The following MMEL1 variants were observed in gnomAD, a reference collection of about 807,000 sequenced individuals.
MMEL1 encodes the protein membrane metalloendopeptidase like 1.
In MMEL1, 98 loss-of-function variants were observed where a neutral mutation model predicts 117.1. The observed-to-expected ratio is 0.84, with a 90% CI of 0.71 to 0.99. The LOEUF is 0.99. Ranked by LOEUF, MMEL1 falls within the 50% of genes least tolerant of loss-of-function variation. The pLI, the probability that MMEL1 is intolerant of heterozygous loss-of-function variation, is 0.00. For missense variants in MMEL1, 1,014 were observed against 1,049.1 expected, an observed-to-expected ratio of 0.97 and a Z score of 0.46; for synonymous variants, 390 against 415.1, an observed-to-expected ratio of 0.94 and a Z score of 0.74.
chr1:2,628,666 G>A (rs1338641240), intron 2 of MMEL1, among the ~76,000 whole-genome samples: 1 of 151,980 alleles, frequency 6.6e-6, no homozygotes, highest in East Asian at 1.9e-4. Context: ...GGAGATCAAG[G>A]GAGGGGCCGG....
At chr1:2,598,461 C>T (rs1644881530) in intron 12 of MMEL1, among the ~76,000 whole-genome samples, 161 bp from the exon 13 acceptor site, 1 of 152,174 alleles carries the variant, frequency 6.6e-6, no homozygotes, top group South Asian at 2.1e-4. Context: ...GCCCATCTGC[C>T]CCGGGTGCTT....
intron 2 of MMEL1, among the ~76,000 whole-genome samples, chr1:2,626,671 C>T (rs1316099350): frequency 1.3e-5 from 2 of 152,232 alleles, no homozygotes; most frequent in Non-Finnish European, 2.9e-5. Context: ...GGACATGAGA[C>T]TGTATTTCTC....
rs1638656831 is a variant in MMEL1 at position 2,632,894 on chromosome 1, C to T, written c.-66G>A. On this transcript the variant is annotated 5_prime_UTR_variant, in exon 1 of 24. Coordinates refer to ENST00000378412, the MANE Select transcript of MMEL1 (RefSeq NM_033467.4). ...TGCTCACTCAGGAGTGGCTGCCGCC[C>T]ACAGTCAGGCCCCTGGAGACTGGGT... The T allele has an allele frequency of 1.0e-6, 1 of 985,596 alleles. No homozygotes were observed. Among genetic ancestry groups the T allele is most frequent in the Non-Finnish European group, 1.2e-6 (1 of 830,016 alleles). The allele number at this position is 985,596 out of a possible 1,614,324, so 61.1% of individuals were successfully genotyped here.
intron 6 of MMEL1, among the ~76,000 whole-genome samples, chr1:2,608,628 GCA>G (rs907279343): frequency 1.3e-5 from 2 of 150,994 alleles, no homozygotes; most frequent in Admixed American, 6.6e-5. Context: ...ACACATACAT[GCA>G]CACACAACAT....
intron 5 of MMEL1, 120 bp from the exon 6 acceptor site, chr1:2,609,539 T>A: frequency 6.6e-7 from 1 of 1,512,452 alleles, no homozygotes; most frequent in South Asian, 1.2e-5. Context: ...GGGTCTTTAT[T>A]CCCTCTCCTC....
intron 11 of MMEL1, among the ~76,000 whole-genome samples, chr1:2,603,250 C>G (rs1644963447): frequency 1.3e-5 from 2 of 152,212 alleles, no homozygotes. Flanking sequence ...TGCCCTCCCC[C>G]CACTGACTTG....
In MMEL1 at chr1:2,595,074, C is replaced by T. The variant is rs1644811787; in HGVS notation, c.1585-181G>A. Among the ~76,000 whole-genome samples, 1 of 152,090 alleles carries T rather than the reference C, an allele frequency of 6.6e-6. No homozygotes were observed. Among genetic ancestry groups the T allele is most frequent in the African/African-American group, 2.4e-5 (1 of 41,410 alleles). On this transcript the variant is annotated intron_variant, in intron 16 of 23. Transcript: ENST00000378412. The surrounding 1 kb of genome is among the most constrained non-coding windows in gnomAD (Gnocchi z 4.8). ...CTGTGGGCATTTACATGACTCTGAG[C>T]AAGTCCCTCGTCCCTCCAGGCCTCA...
rs1645150383 is a variant in MMEL1 at position 2,612,798 on chromosome 1, C to T, written c.155-594G>A. Among the ~76,000 whole-genome samples the T allele has an allele frequency of 6.6e-6, 1 of 152,122 alleles. No individual in the cohort carries two copies. The highest frequency in any genetic ancestry group is 2.1e-4 in the South Asian group (1 of 4,828). On this transcript the variant is annotated intron_variant, in intron 2 of 23. Coordinates refer to ENST00000378412, the MANE Select transcript of MMEL1 (RefSeq NM_033467.4). This position sits in a 1 kb window ranked among gnomAD's most constrained non-coding sequence, Gnocchi z 5.4. ...GGGCTCCTGGGATGGCTGTCAACTG[C>T]CTGGAGAGATGTATGGGAGAGGAGG...
At position 2,594,460 on chromosome 1, in the gene MMEL1, G is replaced by T. The variant is rs374051777; in HGVS notation, c.1689-17C>A. The T allele has an allele frequency of 6.4e-6, 10 of 1,551,388 alleles. No individual in the cohort carries two copies. In the Admixed American group the frequency reaches 7.8e-5, roughly 12 times the overall value. On this transcript the variant is annotated splice_polypyrimidine_tract_variant and intron_variant, in intron 17 of 23. Transcript: ENST00000378412. ...ATGATCCAGCTGTGATAGACAAGCC[G>T]GTCTCTGGGAGCCGCCTCTCCGGGG... is the stretch of plus-strand genomic sequence containing the variant.
intron 13 of MMEL1, among the ~76,000 whole-genome samples, chr1:2,597,851 C>T (rs1644868566): frequency 6.6e-6 from 1 of 152,198 alleles, no homozygotes; most frequent in Admixed American, 6.5e-5. Flanking sequence ...CGGGTCCGGC[C>T]CCTGCCTGCT....
intron 19 of MMEL1, among the ~76,000 whole-genome samples, chr1:2,593,476 G>T (rs10752747): frequency 0.41 from 62,801 of 152,084 alleles, 13,940 homozygotes; most frequent in African/African-American, 0.56. Context: ...GCCGTCTGGA[G>T]AGTCTCCCAG....
Position 2,612,087 on chromosome 1 carries a change from A to C in MMEL1, c.232+40T>G, listed in dbSNP as rs1645138909. On this transcript the variant is annotated intron_variant, in intron 3 of 23. Coordinates refer to ENST00000378412, the MANE Select transcript of MMEL1 (RefSeq NM_033467.4). This position sits in a 1 kb window ranked among gnomAD's most constrained non-coding sequence, Gnocchi z 5.4. ...CCCCCACCTTGGGAGGCCAGCGCCC[A>C]CCTGCCTGGGGCTGTTTTGGAAGGG... 21 of 1,531,850 alleles carry C rather than the reference A, an allele frequency of 1.4e-5. No individual in the cohort carries two copies. Among genetic ancestry groups the C allele is most frequent in the Non-Finnish European group, 1.8e-5 (20 of 1,126,512 alleles). 94.9% of individuals were successfully genotyped at this position (1,531,850 alleles called of 1,614,324 possible). A position where few individuals can be genotyped will look rare whatever the true frequency, so the allele number is the denominator to read the frequency against.
intron 3 of MMEL1, 53 bp from the exon 4 acceptor site, chr1:2,611,393 G>A: frequency 7.4e-7 from 1 of 1,357,532 alleles, no homozygotes; most frequent in South Asian, 1.5e-5. Flanking sequence ...GGTGGGGCAG[G>A]ACTGGAGTGG....
rs1557537815 is a variant in MMEL1 at position 2,606,253 on chromosome 1, T to TGATGTGCC, written c.737_744dup (p.Ile249GlyfsTer6). On this transcript the variant is annotated frameshift_variant, in exon 8 of 24. Coordinates refer to ENST00000378412, the MANE Select transcript of MMEL1 (RefSeq NM_033467.4). LOFTEE classifies it high-confidence loss of function. ...CCCACCGGCGCGGCTCGTACGTAGA[T>TGATGTGCC]GATGTGCCGGCTGGAGTTCTGGTCG... 1 of 1,613,082 alleles carries TGATGTGCC rather than the reference T, an allele frequency of 6.2e-7. No homozygotes were observed. Among genetic ancestry groups the TGATGTGCC allele is most frequent in the Admixed American group, 1.7e-5 (1 of 60,016 alleles).
intron 4 of MMEL1, among the ~76,000 whole-genome samples, chr1:2,610,593 C>T (rs1294603677): frequency 1.3e-5 from 2 of 152,154 alleles, no homozygotes; most frequent in Non-Finnish European, 2.9e-5. Context: ...GAGGGAGGGA[C>T]GACTCTTACC....
At chr1:2,619,783 T>C (rs1263036261) in intron 2 of MMEL1, among the ~76,000 whole-genome samples, 1 of 151,642 alleles carries the variant, frequency 6.6e-6, no homozygotes, top group Non-Finnish European at 1.5e-5. Context: ...CAAAAACAAC[T>C]ACAAACCCAA....
At chr1:2,599,384 T>C (rs1316223750) in intron 11 of MMEL1, among the ~76,000 whole-genome samples, 1 of 152,222 alleles carries the variant, frequency 6.6e-6, no homozygotes, top group Non-Finnish European at 1.5e-5. Flanking sequence ...TGCTAATATA[T>C]CACAGCTGAA....
In MMEL1 at chr1:2,629,345, T is replaced by A; in HGVS notation, c.140A>T (p.Tyr47Phe). 6.5e-7 allele frequency: 1 copy of A among 1,540,238 alleles called. No homozygotes were observed. The highest frequency in any genetic ancestry group is 8.7e-7 in the Non-Finnish European group (1 of 1,145,526). Residue 47 changes from tyrosine to phenylalanine, a missense_variant, in exon 2 of 24, where the codon TAC becomes TTC. Tyr to Phe is a conservative substitution (Grantham distance 22, BLOSUM62 3). Transcript: ENST00000378412. Reference protein sequence around the residue: ...TAALVALGVLYADRRGKQLPR... With the variant: ...TAALVALGVLFADRRGKQLPR... The stretch of plus-strand genomic sequence containing the variant: ...CCCGCACTCACCTCTGCGGTCGGCG[T>A]AGAGGACACCCAAGGCCACCAGGGC...
At chr1:2,603,026 G>A (rs1394960730) in intron 11 of MMEL1, among the ~76,000 whole-genome samples, 1 of 152,222 alleles carries the variant, frequency 6.6e-6, no homozygotes, top group Admixed American at 6.5e-5. Flanking sequence ...CGTGTGTTCT[G>A]GGCAGCGGGG....
Sources: allele counts gnomAD v4.1 joint callset (sites outside exome capture counted in the v4.1 genomes callset), GRCh38; gene constraint gnomAD v4.1.1; non-coding constraint Gnocchi (gnomAD v3.1); transcripts MANE v1.5; gene names NCBI Gene and HGNC (gene_info 2026-07-23, HGNC 2026-07-21).